Variants in FUT9 observed in about 807,000 individuals in gnomAD.
FUT9 encodes fucosyltransferase 9, also known as 4-galactosyl-N-acetylglucosaminide 3-alpha-L-fucosyltransferase 9.
FUT9 carries 15 observed loss-of-function variants against 29.7 expected under a neutral mutation model. The ratio of observed to expected loss-of-function variants is 0.51; its 90% CI spans 0.34 to 0.78. The LOEUF (loss-of-function observed/expected upper bound fraction) is 0.78. Ranked by LOEUF, FUT9 falls within the 30% of genes least tolerant of loss-of-function variation. FUT9 has a pLI of 0.01. For missense variants in FUT9, 319 were observed against 425.4 expected, an observed-to-expected ratio of 0.75 and a Z score of 2.20; for synonymous variants, 169 against 153.7, an observed-to-expected ratio of 1.10 and a Z score of -0.74.
At chr6:96,019,515 T>C (rs1770033845) in intron 1 of FUT9, among the ~76,000 whole-genome samples, 1 of 152,064 alleles carries the variant, frequency 6.6e-6, no homozygotes, top group South Asian at 2.1e-4. Context: ...TTGCTTTCTA[T>C]CTTGCATTCA....
chr6:96,193,149 A>G (rs1363933033), intron 2 of FUT9, among the ~76,000 whole-genome samples: 3 of 109,880 alleles, frequency 2.7e-5, no homozygotes, highest in Non-Finnish European at 4.2e-5. Flanking sequence ...ATGGGCAAGG[A>G]CTTCATGTCT....
At chr6:96,092,351 A>G (rs1771425254) in intron 1 of FUT9, among the ~76,000 whole-genome samples, 1 of 152,150 alleles carries the variant, frequency 6.6e-6, no homozygotes, top group Non-Finnish European at 1.5e-5. Context: ...ATAAAGAAAA[A>G]TCTATATTAT....
intron 1 of FUT9, among the ~76,000 whole-genome samples, chr6:96,052,100 G>A (rs528469324): frequency 2.0e-5 from 3 of 152,254 alleles, no homozygotes; most frequent in African/African-American, 7.2e-5. Context: ...GGGGAAGCAA[G>A]CACATCCTTC....
chr6:96,104,378 ATACT>A (rs1250302967), intron 1 of FUT9, among the ~76,000 whole-genome samples: 4 of 152,168 alleles, frequency 2.6e-5, no homozygotes, highest in Non-Finnish European at 5.9e-5. Flanking sequence ...AAATGGCTTG[ATACT>A]TTATTTTAAT....
chr6:96,079,272 C>A (rs1384151488), intron 1 of FUT9, among the ~76,000 whole-genome samples: 1 of 152,184 alleles, frequency 6.6e-6, no homozygotes, highest in East Asian at 1.9e-4. Context: ...TCAGTGCCTT[C>A]AAATACTGAG....
intron 2 of FUT9, among the ~76,000 whole-genome samples, chr6:96,172,700 G>A (rs1293002148): frequency 6.6e-6 from 1 of 151,930 alleles, no homozygotes; most frequent in African/African-American, 2.4e-5. Flanking sequence ...CTGACGAGTA[G>A]CAGCAAACAA....
intron 1 of FUT9, among the ~76,000 whole-genome samples, chr6:96,098,033 G>A (rs1771529555): frequency 6.6e-6 from 1 of 151,852 alleles, no homozygotes; most frequent in Non-Finnish European, 1.5e-5. Flanking sequence ...AGGATTCTAG[G>A]GTCAGGCTAT....
chr6:96,081,832 T>G (rs1280858558), intron 1 of FUT9, among the ~76,000 whole-genome samples: 1 of 151,914 alleles, frequency 6.6e-6, no homozygotes, highest in Non-Finnish European at 1.5e-5. Context: ...CAATACTCAT[T>G]ATTGTCTCTG....
intron 1 of FUT9, among the ~76,000 whole-genome samples, chr6:96,066,096 G>A (rs1770957042): frequency 6.6e-6 from 1 of 152,076 alleles, no homozygotes; most frequent in Non-Finnish European, 1.5e-5. Flanking sequence ...CCACTGCATT[G>A]TTTAGAGTTA....
At chr6:96,106,571 T>A (rs544726842) in intron 1 of FUT9, among the ~76,000 whole-genome samples, 48 of 152,296 alleles carry the variant, frequency 3.2e-4, no homozygotes, top group East Asian at 9.7e-4. Flanking sequence ...TATCTTCAGA[T>A]CCTTCTTCCT....
At chr6:96,132,163 CATTTGTTTTTGATATT>C (rs1045343039) in intron 2 of FUT9, among the ~76,000 whole-genome samples, 2 of 151,648 alleles carry the variant, frequency 1.3e-5, no homozygotes, top group African/African-American at 4.8e-5. Flanking sequence ...AATCAAAAGT[CATTTGTTTTTGATATT>C]ATTTGTTTTT....
At chr6:96,199,328 CTT>C (rs1281137528) in intron 2 of FUT9, among the ~76,000 whole-genome samples, 2 of 151,986 alleles carry the variant, frequency 1.3e-5, no homozygotes, top group Admixed American at 6.6e-5. Flanking sequence ...AAGAGGCAAA[CTT>C]TTTTTGACAG....
At chr6:96,187,449 C>A (rs546620891) in intron 2 of FUT9, among the ~76,000 whole-genome samples, 6 of 152,202 alleles carry the variant, frequency 3.9e-5, no homozygotes, top group African/African-American at 1.2e-4. Context: ...GATTCTCAGA[C>A]TAGTGGCAGC....
chr6:96,113,715 G>T (rs62417683), intron 1 of FUT9, among the ~76,000 whole-genome samples: 3 of 151,492 alleles, frequency 2.0e-5, no homozygotes, highest in Non-Finnish European at 2.9e-5. Context: ...TTAGCCGGGC[G>T]TGGTGGCGGG....
Position 96,028,615 on chromosome 6 carries a change from A to G in FUT9, c.-98+12403A>G, listed in dbSNP as rs185242650. Among the ~76,000 whole-genome samples, 507 of 151,744 alleles carry G rather than the reference A, an allele frequency of 3.3e-3. 2 individuals carry two copies. Among genetic ancestry groups the G allele is most frequent in the African/African-American group, 0.012 (491 of 41,496 alleles). ...ATTCAATAAATGTTACATCTTCTCC[A>G]TACTTAAGAATTTAAGAAGACATAA... On this transcript the variant is annotated intron_variant, in intron 1 of 2. Transcript: ENST00000302103.
At chr6:96,067,411 T>A (rs1770982404) in intron 1 of FUT9, among the ~76,000 whole-genome samples, 1 of 151,368 alleles carries the variant, frequency 6.6e-6, no homozygotes, top group Admixed American at 6.6e-5. Context: ...ACAGAAAGAT[T>A]TTAAACAGAA....
chr6:96,048,815 C>T (rs1770612844), intron 1 of FUT9, among the ~76,000 whole-genome samples: 1 of 152,066 alleles, frequency 6.6e-6, no homozygotes. Context: ...GGAACTGATT[C>T]AAAGTCTGAT....
At position 96,142,503 on chromosome 6, in the gene FUT9, C is replaced by T. The variant is rs562440925; in HGVS notation, c.-9+28376C>T. 3.0e-4 allele frequency among the ~76,000 whole-genome samples: 46 copies of T among 152,176 alleles called. 1 individual carries two copies. In the South Asian group the frequency reaches 8.9e-3, roughly 29 times the overall value. On this transcript the variant is annotated intron_variant, in intron 2 of 2. Transcript: ENST00000302103. The stretch of plus-strand genomic sequence containing the variant: ...ATAAAAGAAGAAAATGATCAGAATC[C>T]GGACAGACTTCAATGAAGTGCTATT...
intron 1 of FUT9, among the ~76,000 whole-genome samples, chr6:96,053,981 T>G (rs374999905): frequency 2.6e-5 from 4 of 152,318 alleles, no homozygotes; most frequent in South Asian, 4.1e-4. Context: ...TCACACATAC[T>G]TCTAATTTTT....
Sources: allele counts gnomAD v4.1 joint callset (sites outside exome capture counted in the v4.1 genomes callset), GRCh38; gene constraint gnomAD v4.1.1; transcripts MANE v1.5; gene names NCBI Gene and HGNC (gene_info 2026-07-23, HGNC 2026-07-21).